TUT4: variants seen among roughly 807,000 people sequenced by gnomAD.
TUT4 encodes the protein terminal uridylyltransferase 4.
A neutral mutation model predicts 192.2 loss-of-function variants in TUT4; 36 were observed. The ratio of observed to expected loss-of-function variants is 0.19; its 90% CI spans 0.14 to 0.25. The LOEUF (loss-of-function observed/expected upper bound fraction) is 0.25, where lower values mean the gene tolerates loss of function less well. Ranked by LOEUF, TUT4 falls within the 10% of genes least tolerant of loss-of-function variation. TUT4 has a pLI of 1.00. For missense variants in TUT4, 1,493 were observed against 1,957.2 expected (o/e 0.76, Z 4.47); for synonymous variants, 618 against 666.0 (o/e 0.93, Z 1.11).
chr1:52,439,461 T>C (rs904310589), intron 24 of TUT4, among the ~76,000 whole-genome samples: 1 of 152,232 alleles, frequency 6.6e-6, no homozygotes, highest in Non-Finnish European at 1.5e-5. Context: ...TTCTAAACTT[T>C]AGCTTAGTTT....
chr1:52,493,492 A>G (rs1671696810), intron 7 of TUT4, 119 bp downstream of exon 7: 1 of 659,140 alleles, frequency 1.5e-6, no homozygotes, highest in Non-Finnish European at 2.6e-6. Context: ...TTTGTAATGC[A>G]ATGACTCAAC....
chr1:52,525,416 C>T (rs545605313), intron 2 of TUT4, 147 bp downstream of exon 2: 1 of 1,052,580 alleles, frequency 9.5e-7, no homozygotes, highest in African/African-American at 1.6e-5. Flanking sequence ...ACCATTAATG[C>T]AAGTATTATT....
chr1:52,528,331 G>C (rs946497546), intron 1 of TUT4, among the ~76,000 whole-genome samples: 7 of 151,644 alleles, frequency 4.6e-5, no homozygotes. Context: ...TCTTTACAAA[G>C]AAAACAAAAA....
chr1:52,484,693 T>C (rs1009834171), intron 9 of TUT4, among the ~76,000 whole-genome samples: 1 of 152,238 alleles, frequency 6.6e-6, no homozygotes, highest in Non-Finnish European at 1.5e-5. Context: ...CACTAGATCA[T>C]CTGAGCATTC....
intron 4 of TUT4, among the ~76,000 whole-genome samples, chr1:52,508,916 CTTAA>C (rs1376687806): frequency 5.9e-5 from 9 of 152,174 alleles, no homozygotes; most frequent in African/African-American, 2.2e-4. Flanking sequence ...TTATAAGTTT[CTTAA>C]TTGTCTGCAC....
intron 1 of TUT4, chr1:52,535,102 T>C (rs1684545724): frequency 6.6e-6 from 1 of 152,236 alleles, no homozygotes; most frequent in African/African-American, 2.4e-5. Flanking sequence ...CATAGTCATC[T>C]TGTTGCATAG....
intron 2 of TUT4, among the ~76,000 whole-genome samples, chr1:52,525,219 T>C (rs1399884943): frequency 3.3e-5 from 5 of 152,272 alleles, no homozygotes; most frequent in South Asian, 4.1e-4. Context: ...ACTCAATACA[T>C]ACATATTTGG....
chr1:52,538,646 A>G (rs1685619803), intron 1 of TUT4: 1 of 99,608 alleles, frequency 1.0e-5, no homozygotes, highest in Non-Finnish European at 2.4e-5. Context: ...GACTCTGTCT[A>G]AAAAAAAAAA....
chr1:52,475,278 C>G lies in TUT4; in HGVS notation c.2281G>C (p.Glu761Gln). The G allele has an allele frequency of 6.2e-7, 1 of 1,614,128 alleles. No homozygotes were observed. Among genetic ancestry groups the G allele is most frequent in the Non-Finnish European group, 8.5e-7 (1 of 1,180,012 alleles). The change falls in exon 13 of 30, where the codon GAG becomes CAG. Residue 761 changes from glutamate to glutamine, a missense_variant. Physicochemically the swap from Glu to Gln is conservative, Grantham distance 29 (BLOSUM62 2). Around this residue, in one of 7 missense-constraint regions of TUT4, gnomAD observed 245 missense variants for 218.4 expected, o/e 1.12. Transcript: ENST00000257177. ...ATTTCATCACATTGAACAGGTTGCT[C>G]TCTTTCTGCATTTATTTTTTCTGTG... is the stretch of plus-strand genomic sequence containing the variant. ...ETTEKINAER[E>Q]QPVQCDEMDC...
intron 13 of TUT4, among the ~76,000 whole-genome samples, chr1:52,473,316 AAAAT>A (rs879247224): frequency 2.0e-5 from 3 of 152,282 alleles, no homozygotes; most frequent in East Asian, 1.9e-4. Context: ...TCATTTGTGC[AAAAT>A]AAATAAGTTC....
chr1:52,432,286 C>T (rs572645569), intron 27 of TUT4: 2 of 152,120 alleles, frequency 1.3e-5, no homozygotes, highest in South Asian at 4.2e-4. Context: ...TCAGGGTAAA[C>T]AGAAATCAGT....
In TUT4 at chr1:52,448,323, C is replaced by T. The variant is rs151101293; in HGVS notation, c.3436-1656G>A. Among the ~76,000 whole-genome samples the T allele has an allele frequency of 3.6e-3, 551 of 152,294 alleles. 3 individuals carry two copies. The highest frequency in any genetic ancestry group is 0.013 in the African/African-American group (526 of 41,556). On this transcript the variant is annotated intron_variant, in intron 20 of 29. Transcript: ENST00000257177. ...AAGACTGAGGCCGGGCGCAGTGGCT[C>T]ATGCCTGTAATCCCAGCACTTTGGG...
At chr1:52,521,351 A>G (rs1202853813) in intron 2 of TUT4, among the ~76,000 whole-genome samples, 2 of 152,204 alleles carry the variant, frequency 1.3e-5, no homozygotes, top group Admixed American at 6.5e-5. Context: ...AAATTTCTAT[A>G]TAACCTATCA....
intron 27 of TUT4, 192 bp from the exon 28 acceptor site, chr1:52,431,652 G>T: frequency 2.4e-6 from 1 of 412,014 alleles, no homozygotes; most frequent in African/African-American, 2.1e-5. Context: ...TCGTTTTATT[G>T]TCCAAAGAAA....
intron 24 of TUT4, among the ~76,000 whole-genome samples, chr1:52,444,897 G>GTA (rs556665811): frequency 9.6e-4 from 134 of 139,536 alleles, no homozygotes; most frequent in African/African-American, 3.0e-3. Context: ...ATATATGTGT[G>GTA]TATATATATA....
chr1:52,468,924 A>G (rs1664934673), intron 14 of TUT4, among the ~76,000 whole-genome samples: 1 of 152,238 alleles, frequency 6.6e-6, no homozygotes, highest in Non-Finnish European at 1.5e-5. Context: ...CCCAAAAGTT[A>G]ACACAGTAAC....
At chr1:52,530,074 C>T (rs1176949766) in intron 1 of TUT4, among the ~76,000 whole-genome samples, 1 of 152,076 alleles carries the variant, frequency 6.6e-6, no homozygotes, top group African/African-American at 2.4e-5. Flanking sequence ...AAGCCCTGAG[C>T]TTAAGCAATC....
Position 52,430,124 on chromosome 1 carries a change from T to C in TUT4, c.4711+889A>G, listed in dbSNP as rs535796783. ...GATGATTTATTTCTCAAATACTCTA[T>C]AATGAACATTTATTACTTAGATATC... is the stretch of plus-strand genomic sequence containing the variant. On this transcript the variant is annotated intron_variant, in intron 28 of 29. Coordinates refer to ENST00000257177, the MANE Select transcript of TUT4 (RefSeq NM_001009881.3). Among the ~76,000 whole-genome samples, 3 of 152,300 alleles carry C rather than the reference T, an allele frequency of 2.0e-5. No homozygotes were observed. The East Asian group carries it at 5.8e-4, about 29-fold the overall frequency.
chr1:52,475,243 T>C lies in TUT4; in HGVS notation c.2316A>G (p.Thr772=). 2 of 1,614,186 alleles carry C rather than the reference T, an allele frequency of 1.2e-6. No homozygotes were observed. The highest frequency in any genetic ancestry group is 1.3e-5 in the African/African-American group (1 of 75,060). ...TGTTGTCAATAATACATCTCTGTGA[T>C]GTACAGTCCATTTCATCACATTGAA... ...QPVQCDEMDC[T]SQRCIIDNNN... The change falls in exon 13 of 30, where the codon ACA becomes ACG. Residue 772 remains threonine (T), a synonymous_variant. Transcript: ENST00000257177.
Sources: gnomAD v4.1 joint callset for allele counts (sites outside exome capture counted in the v4.1 genomes callset) on GRCh38, gnomAD v4.1.1 for gene constraint, gnomAD v4.1.1 regional missense constraint, MANE v1.5 for transcripts, NCBI Gene and HGNC (gene_info 2026-07-23, HGNC 2026-07-21) for gene names.